HNF1A: variants seen among roughly 807,000 people sequenced by gnomAD.
HNF1A encodes the protein HNF1 homeobox A.
Under a neutral mutation model 62.2 loss-of-function variants are expected in HNF1A, and 21 were observed. That is an observed-to-expected ratio of 0.34 (90% confidence interval 0.24 to 0.49). HNF1A has a LOEUF of 0.49. Ranked by LOEUF, HNF1A falls within the 20% of genes least tolerant of loss-of-function variation. The probability of loss-of-function intolerance (pLI) is 0.99; values close to 1 mark genes in which losing one functional copy is unlikely to be tolerated. For missense variants in HNF1A, 687 were observed against 832.3 expected, an observed-to-expected ratio of 0.83 and a Z score of 2.15; for synonymous variants, 374 against 366.8, an observed-to-expected ratio of 1.02 and a Z score of -0.22.
chr12:120,990,691 G>GAAGGAAGGAAAAGAA (rs1555211677), intron 2 of HNF1A, among the ~76,000 whole-genome samples: 1 of 151,218 alleles, frequency 6.6e-6, no homozygotes, highest in Non-Finnish European at 1.5e-5. Context: ...AGGAAGGAAG[G>GAAGGAAGGAAAAGAA]AAGGAAGGAA....
intron 2 of HNF1A, 99 bp from the exon 3 acceptor site, chr12:120,993,421 C>T (rs774811156): frequency 4.4e-5 from 52 of 1,190,148 alleles, no homozygotes; most frequent in Non-Finnish European, 6.0e-5. Context: ...TCTGGTTCAG[C>T]GCCATGGCAA....
In HNF1A at chr12:120,997,686, ACAG is replaced by A. The variant is rs759440377; in HGVS notation, c.1501+25_1501+27del. 3 of 1,598,718 alleles carry A rather than the reference ACAG, an allele frequency of 1.9e-6. No individual in the cohort carries two copies. In the East Asian group the frequency reaches 6.9e-5, roughly 37 times the overall value. On this transcript the variant is annotated intron_variant, in intron 7 of 9. Transcript: ENST00000257555. ...CCACGGTGAGCGCCCTGTGCCCCAC[ACAG>A]CAGGAGATGATGATAGAGGTTGGCT...
At chr12:120,997,402 C>T in intron 6 of HNF1A, 72 bp from the exon 7 acceptor site, 1 of 1,481,244 alleles carries the variant, frequency 6.8e-7, no homozygotes, top group Non-Finnish European at 9.0e-7. Flanking sequence ...AGAGGTGGTG[C>T]CCTTGGGAGG....
chr12:120,988,630 A>T (rs557999480), intron 1 of HNF1A, among the ~76,000 whole-genome samples: 1 of 152,334 alleles, frequency 6.6e-6, no homozygotes, highest in Non-Finnish European at 1.5e-5. Context: ...CCTCATGACC[A>T]TGTGTCTGTG....
intron 1 of HNF1A, among the ~76,000 whole-genome samples, chr12:120,983,896 T>C (rs1876374077): frequency 8.0e-6 from 1 of 124,430 alleles, no homozygotes; most frequent in South Asian, 2.4e-4. Flanking sequence ...CCCTCAAAAA[T>C]AGTCAGGCCC....
At chr12:120,987,190 C>A (rs546238321) in intron 1 of HNF1A, among the ~76,000 whole-genome samples, 1 of 152,038 alleles carries the variant, frequency 6.6e-6, no homozygotes, top group South Asian at 2.1e-4. Context: ...AAAAACCAGC[C>A]GCGGCCGGGC....
Position 120,978,645 on chromosome 12 carries a change from G to C in HNF1A, c.-124G>C, listed in dbSNP as rs563304627. The stretch of plus-strand genomic sequence containing the variant: ...ACAGGGCTTGGCTAGTGGGGTTTTG[G>C]GGGGGCAGTGGGTGCAAGGAGTTTG... On this transcript the variant is annotated 5_prime_UTR_variant, in exon 1 of 10. Transcript: ENST00000257555. 2.4e-4 allele frequency: 225 copies of C among 926,554 alleles called. No homozygotes were observed. The East Asian group carries it at 3.3e-3, about 13-fold the overall frequency. The allele number at this position is 926,554 out of a possible 1,614,324, so 57.4% of individuals were successfully genotyped here. A position where few individuals can be genotyped will look rare whatever the true frequency, so the allele number is the denominator to read the frequency against.
At chr12:120,983,950 T>TGTGTGTGTGTGTG (rs1382795865) in intron 1 of HNF1A, among the ~76,000 whole-genome samples, 97 of 54,956 alleles carry the variant, frequency 1.8e-3, no homozygotes, top group East Asian at 0.015. Flanking sequence ...GTGTGTGTGT[T>TGTGTGTGTGTGTG]TGTGTAAGAG....
In HNF1A at chr12:120,978,997, G is replaced by A. The variant is rs770695671; in HGVS notation, c.229G>A (p.Asp77Asn). ...TRGSEDETDD[D>N]GEDFTPPILK... Reference sequence around the variant, plus strand: ...GGGCTCCGAGGACGAGACGGACGACGATGGGGAAGACTTCACGCCACCCAT... The same window carrying A: ...GGGCTCCGAGGACGAGACGGACGACAATGGGGAAGACTTCACGCCACCCAT... Residue 77 changes from aspartate (D) to asparagine (N), a missense_variant, in exon 1 of 10, where the codon GAT becomes AAT. Asp to Asn is a conservative substitution (Grantham distance 23). Around this residue, in one of 5 missense-constraint regions of HNF1A, gnomAD observed 159 missense variants for 154.4 expected, o/e 1.03. Transcript: ENST00000257555. 1.9e-6 allele frequency: 3 copies of A among 1,609,272 alleles called. No homozygotes were observed. Among genetic ancestry groups the A allele is most frequent in the East Asian group, 2.2e-5 (1 of 44,704 alleles).
rs74899847 is a variant in HNF1A, at chr12:121,001,048, C to T, written c.1769-17C>T. 1 of 1,612,636 alleles carries T rather than the reference C, an allele frequency of 6.2e-7. No homozygotes were observed. Among genetic ancestry groups the T allele is most frequent in the South Asian group, 1.1e-5 (1 of 91,070 alleles). On this transcript the variant is annotated splice_polypyrimidine_tract_variant and intron_variant, in intron 9 of 9. Transcript: ENST00000257555. ...GGGTGCCTGGTGGGTGGCTAGCAGC[C>T]TTGTTTGCCTCTGCAGTGTCCTCCA...
rs544395097 is a variant in HNF1A, at chr12:120,994,466, C to G, written c.955+61C>G. On this transcript the variant is annotated intron_variant, in intron 4 of 9. Coordinates refer to ENST00000257555, the MANE Select transcript of HNF1A (RefSeq NM_000545.8). ...GGTGGGAGGGTTGGGGAGGACTGTC[C>G]CAGTGACAGCAGTCACCTAAACCTC... 6.3e-5 allele frequency: 97 copies of G among 1,537,910 alleles called. No individual in the cohort carries two copies. In the African/African-American group the frequency reaches 1.1e-3, roughly 17 times the overall value.
intron 7 of HNF1A, 23 bp downstream of exon 7, chr12:120,997,688 A>G (rs2135848367): frequency 6.3e-7 from 1 of 1,598,036 alleles, no homozygotes; most frequent in Non-Finnish European, 8.5e-7. Flanking sequence ...TGCCCCACAC[A>G]GCAGGAGATG....
chr12:120,992,332 G>C (rs1002695457), intron 2 of HNF1A, among the ~76,000 whole-genome samples: 3 of 152,220 alleles, frequency 2.0e-5, no homozygotes, highest in African/African-American at 7.2e-5. Context: ...GGAAGGAAAA[G>C]AGCTCTTCTT....
intron 9 of HNF1A, chr12:121,000,814 G>A (rs933431509): frequency 7.3e-5 from 39 of 530,644 alleles, no homozygotes; most frequent in South Asian, 3.0e-4. Flanking sequence ...TACCTACCTC[G>A]GCATCTCACC....
chr12:120,981,386 G>A (rs897087589), intron 1 of HNF1A, among the ~76,000 whole-genome samples: 1 of 152,206 alleles, frequency 6.6e-6, no homozygotes, highest in African/African-American at 2.4e-5. Flanking sequence ...AGCTCCCTGA[G>A]TGACCTTGGG....
At chr12:120,997,166 C>T in intron 6 of HNF1A, 2 of 1,412,408 alleles carry the variant, frequency 1.4e-6, no homozygotes, top group Non-Finnish European at 1.8e-6. Flanking sequence ...AGAGAACTGA[C>T]CCCATGGCCT....
At chr12:120,979,715 C>T (rs56382736) in intron 1 of HNF1A, 1,820 of 146,318 alleles carry the variant, frequency 0.012, 17 homozygotes, top group South Asian at 0.042. Context: ...GCCCGTTCTA[C>T]ATCCCCATCC....
intron 2 of HNF1A, among the ~76,000 whole-genome samples, chr12:120,989,507 A>G (rs1169295): frequency 0.94 from 142,955 of 152,064 alleles, 67,562 homozygotes; most frequent in East Asian, 1. Context: ...TGATCCACCC[A>G]CCTCAGCCTC....
At position 121,002,081 on chromosome 12, in the gene HNF1A, G is replaced by C. The variant is rs1877530989; in HGVS notation, c.*889G>C. On this transcript the variant is annotated 3_prime_UTR_variant, in exon 10 of 10. Transcript: ENST00000257555. ...CGAGCGCCCTGCAGACCCTGCCCTT[G>C]TTTGGGGCAGGAGTAGCTGAGCTCA... 4 of 536,080 alleles carry C rather than the reference G, an allele frequency of 7.5e-6. No individual in the cohort carries two copies. Among genetic ancestry groups the C allele is most frequent in the South Asian group, 6.1e-5 (4 of 65,166 alleles). The allele number at this position is 536,080 out of a possible 1,614,324, so 33.2% of individuals were successfully genotyped here. A position where few individuals can be genotyped will look rare whatever the true frequency, so the allele number is the denominator to read the frequency against.
Sources: allele counts gnomAD v4.1 joint callset (sites outside exome capture counted in the v4.1 genomes callset), GRCh38; gene constraint gnomAD v4.1.1; regional missense constraint gnomAD v4.1.1; transcripts MANE v1.5; gene names NCBI Gene and HGNC (gene_info 2026-07-23, HGNC 2026-07-21).